The following NCOA1 variants were observed in gnomAD, a reference collection of about 807,000 sequenced individuals.
NCOA1 encodes Hin-2 protein.
In NCOA1, 35 loss-of-function variants were observed where a neutral mutation model predicts 150.9. The observed-to-expected ratio is 0.23, with a 90% CI of 0.18 to 0.31. The LOEUF (loss-of-function observed/expected upper bound fraction) is 0.31. Among genes scored for constraint, NCOA1 ranks in the 10% least tolerant of loss-of-function variants. The pLI is 1.00. For missense variants in NCOA1, 1,491 were observed against 1,749.3 expected (o/e 0.85, Z 2.63); for synonymous variants, 590 against 630.0 (o/e 0.94, Z 0.95).
At position 24,742,086 on chromosome 2, in the gene NCOA1, C is replaced by T. The variant is rs1333710441; in HGVS notation, c.3606C>T (p.Asn1202=). The T allele has an allele frequency of 8.1e-6, 13 of 1,614,214 alleles. No homozygotes were observed. The highest frequency in any genetic ancestry group is 1.0e-5 in the Non-Finnish European group (12 of 1,180,028). The part of the protein sequence containing the change: ...ANPEASLANR[N]SMVSRGMTGN... ...CTGAAGCATCCTTGGCCAACCGCAACAGCATGGTGAGCAGAGGCATGACAG... is the reference window on the plus strand; with the variant it reads ...CTGAAGCATCCTTGGCCAACCGCAATAGCATGGTGAGCAGAGGCATGACAG... Residue 1202 remains asparagine (N), a synonymous_variant, in exon 19 of 23, where the codon AAC becomes AAT. Transcript: ENST00000348332.
intron 5 of NCOA1, among the ~76,000 whole-genome samples, chr2:24,661,717 G>A (rs1338356161): frequency 1.3e-5 from 2 of 151,812 alleles, no homozygotes; most frequent in East Asian, 1.9e-4. Context: ...TTTTTATTCC[G>A]TTACCTTTAT....
At chr2:24,571,529 T>C (rs920847654) in intron 2 of NCOA1, among the ~76,000 whole-genome samples, 2 of 152,218 alleles carry the variant, frequency 1.3e-5, no homozygotes, top group Non-Finnish European at 2.9e-5. Flanking sequence ...CCAGGTGCTA[T>C]GTTTTAGAGC....
intron 19 of NCOA1, among the ~76,000 whole-genome samples, chr2:24,743,683 A>C (rs1558333066): frequency 6.6e-6 from 1 of 152,204 alleles, no homozygotes; most frequent in Non-Finnish European, 1.5e-5. Context: ...ACTTCCTCCA[A>C]CATTAGAAGA....
chr2:24,559,990 A>C (rs993925083), intron 1 of NCOA1, among the ~76,000 whole-genome samples: 1 of 152,100 alleles, frequency 6.6e-6, no homozygotes, highest in Non-Finnish European at 1.5e-5. Context: ...GTTGGAGAAC[A>C]GTTGGGGAAT....
At chr2:24,521,245 T>C (rs1664405836) in intron 1 of NCOA1, among the ~76,000 whole-genome samples, 1 of 152,232 alleles carries the variant, frequency 6.6e-6, no homozygotes, top group Non-Finnish European at 1.5e-5. Flanking sequence ...ACCTCACATA[T>C]GTTTTTGTGG....
chr2:24,763,616 CTTTTTTTTT>C (rs1179539444), intron 22 of NCOA1, among the ~76,000 whole-genome samples: 1 of 85,310 alleles, frequency 1.2e-5, no homozygotes, highest in Non-Finnish European at 2.3e-5. Context: ...GTCTCTCTCT[CTTTTTTTTT>C]TTTTTTTTTT....
chr2:24,617,483 C>G, intron 3 of NCOA1, among the ~76,000 whole-genome samples: 1 of 152,112 alleles, frequency 6.6e-6, no homozygotes, highest in East Asian at 1.9e-4. Context: ...TCTTTCTGCA[C>G]ACGTTCTGTT....
At chr2:24,720,887 A>T (rs146277753) in intron 14 of NCOA1, among the ~76,000 whole-genome samples, 2 of 152,290 alleles carry the variant, frequency 1.3e-5, no homozygotes, top group African/African-American at 4.8e-5. Context: ...CGCCCAGGAA[A>T]ATCAAGCACC....
chr2:24,676,745 T>C (rs1671928663), intron 7 of NCOA1, among the ~76,000 whole-genome samples: 1 of 152,096 alleles, frequency 6.6e-6, no homozygotes, highest in Admixed American at 6.6e-5. Flanking sequence ...AAAATGATAT[T>C]AGAGATTAAA....
chr2:24,681,128 C>T (rs1672142730), intron 7 of NCOA1, among the ~76,000 whole-genome samples: 2 of 151,472 alleles, frequency 1.3e-5, no homozygotes, highest in East Asian at 1.9e-4. Context: ...CTTTGGGAGG[C>T]CAAGGTAGGT....
rs750160894 is a variant in NCOA1, at chr2:24,706,699, A to G, written c.1229A>G (p.Asn410Ser). The change falls in exon 13 of 23, where the codon AAC becomes AGC. Residue 410 changes from asparagine to serine, a missense_variant. Asn to Ser is a conservative substitution (Grantham distance 46). Around this residue, in one of 8 missense-constraint regions of NCOA1, gnomAD observed 703 missense variants for 717.7 expected, o/e 0.98. Transcript: ENST00000348332. ...VARSSTLPPS[N>S]SNMVSTRINR... ...CGTTCATCCACATTGCCACCATCCA[A>G]CAGCAACATGGTATCCACCAGAATA... is the stretch of plus-strand genomic sequence containing the variant. The G allele has an allele frequency of 6.2e-7, 1 of 1,614,194 alleles. No homozygotes were observed. The highest frequency in any genetic ancestry group is 8.5e-7 in the Non-Finnish European group (1 of 1,180,028).
At chr2:24,708,184 C>T (rs1437230342) in intron 13 of NCOA1, among the ~76,000 whole-genome samples, 1 of 152,142 alleles carries the variant, frequency 6.6e-6, no homozygotes, top group African/African-American at 2.4e-5. Flanking sequence ...CCCCTCTCTC[C>T]CAGCCCTACC....
At chr2:24,719,079 G>A (rs1463920975) in intron 14 of NCOA1, among the ~76,000 whole-genome samples, 7 of 131,702 alleles carry the variant, frequency 5.3e-5, no homozygotes, top group African/African-American at 1.9e-4. Context: ...CAAACTAAAT[G>A]TCTGTCAACA....
chr2:24,704,940 C>T, intron 11 of NCOA1, 146 bp from the exon 12 acceptor site: 1 of 695,428 alleles, frequency 1.4e-6, no homozygotes. Flanking sequence ...TCTGCTTTGT[C>T]TGAACTATTC....
At position 24,537,322 on chromosome 2, in the gene NCOA1, G is replaced by A. The variant is rs1039687452; in HGVS notation, c.-395-26973G>A. On this transcript the variant is annotated intron_variant, in intron 1 of 22. Coordinates refer to ENST00000348332, the MANE Select transcript of NCOA1 (RefSeq NM_003743.5). Reference sequence around the variant, plus strand: ...CTTGAAAAAGAAGATCCTGCCATTTGCCACAACGGATGGACCTGGAAGACA... The same window carrying A: ...CTTGAAAAAGAAGATCCTGCCATTTACCACAACGGATGGACCTGGAAGACA... Among the ~76,000 whole-genome samples, 4 of 151,878 alleles carry A rather than the reference G, an allele frequency of 2.6e-5. No homozygotes were observed. In the South Asian group the frequency reaches 8.3e-4, roughly 32 times the overall value.
At chr2:24,518,455 A>G (rs1664295205) in intron 1 of NCOA1, among the ~76,000 whole-genome samples, 1 of 152,100 alleles carries the variant, frequency 6.6e-6, no homozygotes, top group African/African-American at 2.4e-5. Flanking sequence ...TCTTCTTACC[A>G]CTTTTCTTCC....
intron 1 of NCOA1, among the ~76,000 whole-genome samples, chr2:24,556,571 A>G (rs143861415): frequency 0.012 from 1,835 of 152,356 alleles, 46 homozygotes; most frequent in African/African-American, 0.042. Context: ...GGCAAAGGAC[A>G]TGAACAGACA....
intron 21 of NCOA1, among the ~76,000 whole-genome samples, chr2:24,758,497 AT>A (rs1245227592): frequency 6.6e-6 from 1 of 151,680 alleles, no homozygotes; most frequent in Admixed American, 6.6e-5. Context: ...TGCCCAGCTA[AT>A]TTTTTTACTA....
intron 19 of NCOA1, among the ~76,000 whole-genome samples, chr2:24,745,409 A>AC (rs1663862385): frequency 6.6e-6 from 1 of 151,684 alleles, no homozygotes; most frequent in African/African-American, 2.4e-5. Flanking sequence ...TGATCCACCC[A>AC]CCTCGGCCTC....
Sources: allele counts gnomAD v4.1 joint callset (sites outside exome capture counted in the v4.1 genomes callset), GRCh38; gene constraint gnomAD v4.1.1; regional missense constraint gnomAD v4.1.1; transcripts MANE v1.5; gene names NCBI Gene and HGNC (gene_info 2026-07-23, HGNC 2026-07-21).